Variants in LINGO2 observed in about 807,000 individuals in gnomAD.
LINGO2 encodes the protein leucine rich repeat and Ig domain containing 2, also known as leucine-rich repeat and immunoglobulin-like domain-containing nogo receptor-interacting protein 2.
A neutral mutation model predicts 30.6 loss-of-function variants in LINGO2; 14 were observed. The observed-to-expected ratio is 0.46, with a 90% CI of 0.30 to 0.72. LINGO2 has a LOEUF of 0.72. Among genes scored for constraint, LINGO2 ranks in the 30% least tolerant of loss-of-function variants. The pLI is 0.07. For synonymous variants in LINGO2, 317 were observed against 288.5 expected (o/e 1.10, Z -1.00); for missense variants, 729 against 751.7 (o/e 0.97, Z 0.35).
chr9:28,730,019 G>A, the LINGO2 span, among the ~76,000 whole-genome samples: 1 of 152,002 alleles, frequency 6.6e-6, no homozygotes, highest in South Asian at 2.1e-4. Flanking sequence ...AGTAGATGTA[G>A]AGATACAAAA....
At chr9:29,115,765 C>T in the LINGO2 span, among the ~76,000 whole-genome samples, 7 of 151,950 alleles carry the variant, frequency 4.6e-5, no homozygotes, top group East Asian at 1.4e-3. Context: ...AAAAGTAATA[C>T]GAACAATAAA....
chr9:29,143,886 G>A, the LINGO2 span, among the ~76,000 whole-genome samples: 1 of 152,246 alleles, frequency 6.6e-6, no homozygotes, highest in South Asian at 2.1e-4. Context: ...TTTCTTCTAG[G>A]ATTTTTATAG....
the LINGO2 span, among the ~76,000 whole-genome samples, chr9:28,845,268 T>C: frequency 1.3e-5 from 2 of 151,902 alleles, no homozygotes; most frequent in Non-Finnish European, 2.9e-5. Context: ...TAATAGAATA[T>C]GGAATATTTT....
chr9:28,756,181 G>C, the LINGO2 span, among the ~76,000 whole-genome samples: 2 of 151,966 alleles, frequency 1.3e-5, no homozygotes, highest in African/African-American at 4.8e-5. Context: ...CTTTGTATCA[G>C]CATGCCCTGG....
At chr9:28,370,988 C>T (rs1191311266) in intron 3 of LINGO2, among the ~76,000 whole-genome samples, 2 of 152,144 alleles carry the variant, frequency 1.3e-5, no homozygotes, top group Non-Finnish European at 2.9e-5. Context: ...CTAATGCAAG[C>T]CATCAGAAGT....
chr9:28,536,108 A>G (rs1821427593), intron 1 of LINGO2, among the ~76,000 whole-genome samples: 1 of 152,174 alleles, frequency 6.6e-6, no homozygotes, highest in African/African-American at 2.4e-5. Context: ...ATGAAATTGC[A>G]AGAAAGAGAA....
At chr9:28,582,773 A>C (rs1824322756) in intron 1 of LINGO2, among the ~76,000 whole-genome samples, 1 of 152,084 alleles carries the variant, frequency 6.6e-6, no homozygotes, top group Non-Finnish European at 1.5e-5. Context: ...AAAAGTTTGC[A>C]TTAGCTGTCA....
the LINGO2 span, among the ~76,000 whole-genome samples, chr9:28,694,953 T>G: frequency 3.4e-4 from 32 of 95,358 alleles, no homozygotes; most frequent in South Asian, 0.01. Context: ...ATCCTGACTG[T>G]TTTTTTTTTT....
chr9:28,533,042 GTTGCCAAAGGAGA>G (rs896511662), intron 1 of LINGO2, among the ~76,000 whole-genome samples: 5 of 152,102 alleles, frequency 3.3e-5, no homozygotes, highest in Admixed American at 6.6e-5. Context: ...CTGTGAGGGT[GTTGCCAAAGGAGA>G]TTGCCAAAGG....
At chr9:28,083,612 A>C (rs1437421789) in intron 4 of LINGO2, among the ~76,000 whole-genome samples, 1 of 152,152 alleles carries the variant, frequency 6.6e-6, no homozygotes, top group Non-Finnish European at 1.5e-5. Flanking sequence ...TAATGGTTCA[A>C]TAAAATACCA....
intron 2 of LINGO2, among the ~76,000 whole-genome samples, chr9:28,462,414 T>TAAA (rs61677547): frequency 2.4e-4 from 21 of 89,074 alleles, no homozygotes; most frequent in Admixed American, 5.2e-4. Flanking sequence ...ATGCTCTAGC[T>TAAA]AAAAAAAAAA....
chr9:29,079,961 A>G, the LINGO2 span, among the ~76,000 whole-genome samples: 1 of 152,098 alleles, frequency 6.6e-6, no homozygotes, highest in African/African-American at 2.4e-5. Context: ...CAATAATTTT[A>G]TGATATTTAA....
At chr9:28,728,512 G>A in the LINGO2 span, among the ~76,000 whole-genome samples, 1 of 151,754 alleles carries the variant, frequency 6.6e-6, no homozygotes, top group Non-Finnish European at 1.5e-5. Context: ...CAAAATTGAG[G>A]TAAGGAGATG....
intron 4 of LINGO2, among the ~76,000 whole-genome samples, chr9:28,238,151 A>AAGAGAG (rs34878831): frequency 0.019 from 2,791 of 150,108 alleles, 39 homozygotes; most frequent in Middle Eastern, 0.094. Flanking sequence ...ATTAGAACTA[A>AAGAGAG]AGAGAGAGAG....
the LINGO2 span, among the ~76,000 whole-genome samples, chr9:29,200,236 T>C: frequency 1.3e-5 from 2 of 152,186 alleles, no homozygotes; most frequent in African/African-American, 2.4e-5. Flanking sequence ...TTAGACTCTG[T>C]AACATTGGCC....
intron 4 of LINGO2, among the ~76,000 whole-genome samples, chr9:28,040,726 G>A (rs1824163306): frequency 6.6e-6 from 1 of 151,924 alleles, no homozygotes; most frequent in African/African-American, 2.4e-5. Flanking sequence ...TATTATTCCT[G>A]TTTTACTGAT....
intron 4 of LINGO2, among the ~76,000 whole-genome samples, chr9:28,246,981 A>G (rs535070160): frequency 6.6e-6 from 1 of 152,336 alleles, no homozygotes; most frequent in South Asian, 2.1e-4. Context: ...GAAGAAATTT[A>G]GGTAGCCAAC....
intron 4 of LINGO2, among the ~76,000 whole-genome samples, chr9:28,073,823 T>A (rs1373543575): frequency 7.2e-5 from 11 of 152,182 alleles, no homozygotes; most frequent in African/African-American, 2.7e-4. Flanking sequence ...AGGCCAGGTG[T>A]TCAAGACAAG....
intron 3 of LINGO2, among the ~76,000 whole-genome samples, chr9:28,372,194 T>C (rs1021971901): frequency 1.3e-5 from 2 of 152,224 alleles, no homozygotes; most frequent in Non-Finnish European, 2.9e-5. Flanking sequence ...TTATATTTAA[T>C]TGCTATATTG....
Sources: gnomAD v4.1 joint callset for allele counts (sites outside exome capture counted in the v4.1 genomes callset) on GRCh38, gnomAD v4.1.1 for gene constraint, MANE v1.5 for transcripts, NCBI Gene and HGNC (gene_info 2026-07-23, HGNC 2026-07-21) for gene names.